The following TTLL5 variants were observed in gnomAD, a reference collection of about 807,000 sequenced individuals.
TTLL5 encodes tubulin polyglutamylase TTLL5.
Under a neutral mutation model 168.4 loss-of-function variants are expected in TTLL5, and 132 were observed. That is an observed-to-expected ratio of 0.78 (90% CI 0.68 to 0.91). The LOEUF (loss-of-function observed/expected upper bound fraction) is 0.91. Ranked by LOEUF, TTLL5 falls within the 40% of genes least tolerant of loss-of-function variation. The probability of loss-of-function intolerance (pLI) is 0.00; values close to 1 mark genes in which losing one functional copy is unlikely to be tolerated. For missense variants in TTLL5, 1,545 were observed against 1,581.5 expected, an observed-to-expected ratio of 0.98 and a Z score of 0.39; for synonymous variants, 546 against 558.6, an observed-to-expected ratio of 0.98 and a Z score of 0.32.
intron 12 of TTLL5, among the ~76,000 whole-genome samples, chr14:75,728,690 ATCG>A: frequency 6.6e-6 from 1 of 151,826 alleles, no homozygotes; most frequent in South Asian, 2.1e-4. Context: ...CATCATCATC[ATCG>A]TCATATTAAT....
At chr14:75,669,258 A>G (rs924967567) in intron 2 of TTLL5, among the ~76,000 whole-genome samples, 158 bp from the exon 3 acceptor site, 2 of 152,224 alleles carry the variant, frequency 1.3e-5, no homozygotes, top group East Asian at 1.9e-4. Context: ...TTTTAAACAC[A>G]CAGCTAAGAA....
chr14:75,777,946 T>C (rs1197520260), intron 23 of TTLL5, among the ~76,000 whole-genome samples: 1 of 151,056 alleles, frequency 6.6e-6, no homozygotes. Flanking sequence ...ACAGCTTCTC[T>C]CATCAACGTT....
chr14:75,740,321 T>C (rs1247156895), intron 15 of TTLL5, among the ~76,000 whole-genome samples: 1 of 152,204 alleles, frequency 6.6e-6, no homozygotes, highest in Non-Finnish European at 1.5e-5. Context: ...TTTTTTCCTT[T>C]TAATATTTGT....
chr14:75,779,675 A>T lies in TTLL5; in HGVS notation c.2488A>T (p.Asn830Tyr). 6.2e-6 allele frequency: 10 copies of T among 1,613,226 alleles called. No individual in the cohort carries two copies. The highest frequency in any genetic ancestry group is 6.8e-6 in the Non-Finnish European group (8 of 1,179,736). ...THSKISKNNNNYSDSGAKGDH... is the reference protein window; with the variant it reads ...THSKISKNNNYYSDSGAKGDH... Reference sequence around the variant, plus strand: ...CTCTAAAATTTCTAAGAACAACAACAATTATTCTGATAGTGGGGCAAAAGG... The same window carrying T: ...CTCTAAAATTTCTAAGAACAACAACTATTATTCTGATAGTGGGGCAAAAGG... Residue 830 changes from asparagine (N) to tyrosine (Y), a missense_variant, in exon 24 of 32, where the codon AAT becomes TAT. Asn to Tyr is a moderately radical substitution (Grantham distance 143, BLOSUM62 -2). Transcript: ENST00000298832.
At chr14:75,759,029 AAAAC>A (rs1350429849) in intron 18 of TTLL5, among the ~76,000 whole-genome samples, 1 of 152,206 alleles carries the variant, frequency 6.6e-6, no homozygotes, top group African/African-American at 2.4e-5. Context: ...AATCAAATAA[AAAAC>A]AAACAGTAAA....
At chr14:75,807,174 G>A (rs1261686804) in intron 27 of TTLL5, among the ~76,000 whole-genome samples, 4 of 152,176 alleles carry the variant, frequency 2.6e-5, no homozygotes, top group Admixed American at 2.6e-4. Context: ...ATGGCTGGGT[G>A]CAGTGGCGCA....
Position 75,766,170 on chromosome 14 carries a change from A to G in TTLL5, c.1817A>G (p.Glu606Gly). 6.2e-7 allele frequency: 1 copy of G among 1,614,044 alleles called. No individual in the cohort carries two copies. The highest frequency in any genetic ancestry group is 8.5e-7 in the Non-Finnish European group (1 of 1,179,972). The change falls in exon 20 of 32, where the codon GAG becomes GGG. Residue 606 changes from glutamate (E) to glycine (G), a missense_variant. Physicochemically the swap from Glu to Gly is moderately conservative, Grantham distance 98 (BLOSUM62 -2). Transcript: ENST00000298832. ...EDEEQEASQE[E>G]SAGFLRENQA... ...GAAGAACAGGAGGCTTCCCAGGAGG[A>G]GTCTGCAGGATTTCTTAGAGAAAAT...
At chr14:75,849,834 C>G (rs1896750905) in intron 28 of TTLL5, among the ~76,000 whole-genome samples, 1 of 152,128 alleles carries the variant, frequency 6.6e-6, no homozygotes, top group Admixed American at 6.6e-5. Flanking sequence ...GGTGTGGTGG[C>G]TCACACCTGT....
intron 27 of TTLL5, among the ~76,000 whole-genome samples, chr14:75,814,831 A>C (rs370887969): frequency 6.6e-6 from 1 of 152,208 alleles, no homozygotes; most frequent in African/African-American, 2.4e-5. Flanking sequence ...TCTGGCTTTT[A>C]AATTTTAAAT....
chr14:75,797,087 G>C (rs748114534), intron 27 of TTLL5, among the ~76,000 whole-genome samples: 9 of 152,102 alleles, frequency 5.9e-5, no homozygotes, highest in Non-Finnish European at 1.3e-4. Flanking sequence ...TGTCATCTGT[G>C]ATTCCTTTCA....
At chr14:75,926,059 A>ACCGTGGGCCGTGGG (rs556290161) in intron 31 of TTLL5, among the ~76,000 whole-genome samples, 4 of 144,670 alleles carry the variant, frequency 2.8e-5, no homozygotes, top group Admixed American at 6.8e-5. Context: ...GGAGAGGGAG[A>ACCGTGGGCCGTGGG]CCGTGGGCCG....
At chr14:75,891,488 A>G (rs1044708418) in intron 30 of TTLL5, among the ~76,000 whole-genome samples, 2 of 152,214 alleles carry the variant, frequency 1.3e-5, no homozygotes, top group African/African-American at 4.8e-5. Flanking sequence ...TCCAATGGTG[A>G]TAACACCAGT....
chr14:75,796,271 G>C (rs1041081374), intron 27 of TTLL5, among the ~76,000 whole-genome samples: 1 of 151,560 alleles, frequency 6.6e-6, no homozygotes, highest in African/African-American at 2.4e-5. Context: ...CTTTTTGATG[G>C]AATTATTTTT....
chr14:75,883,337 G>A (rs1389480477), intron 30 of TTLL5, among the ~76,000 whole-genome samples: 1 of 152,228 alleles, frequency 6.6e-6, no homozygotes, highest in African/African-American at 2.4e-5. Context: ...ACACCAAAAA[G>A]ACATTTCCTT....
At chr14:75,778,268 GTTC>G (rs1891840264) in intron 23 of TTLL5, among the ~76,000 whole-genome samples, 1 of 152,338 alleles carries the variant, frequency 6.6e-6, no homozygotes, top group East Asian at 1.9e-4. Flanking sequence ...GGTGACGTCA[GTTC>G]TTCTTTTATT....
At chr14:75,694,734 C>T (rs1166325042) in intron 6 of TTLL5, among the ~76,000 whole-genome samples, 1 of 152,142 alleles carries the variant, frequency 6.6e-6, no homozygotes, top group East Asian at 1.9e-4. Context: ...ATTAGTTCCC[C>T]AAATTAATAC....
intron 14 of TTLL5, 58 bp from the exon 15 acceptor site, chr14:75,735,137 C>A (rs1380709100): frequency 2.0e-6 from 3 of 1,498,396 alleles, no homozygotes; most frequent in African/African-American, 2.7e-5. Flanking sequence ...AAGGTGCAGC[C>A]AGACCTGCTA....
intron 5 of TTLL5, among the ~76,000 whole-genome samples, chr14:75,687,032 C>T (rs931491977): frequency 1.3e-5 from 2 of 152,128 alleles, no homozygotes; most frequent in African/African-American, 2.4e-5. Flanking sequence ...TATCAACAGT[C>T]AAACTTTTTT....
At position 75,818,445 on chromosome 14, in the gene TTLL5, A is replaced by G. The variant is rs79791917; in HGVS notation, c.3172-1562A>G. On this transcript the variant is annotated intron_variant, in intron 27 of 31. Transcript: ENST00000298832. ...GATTTTTGCTACCACGATTTTTTTT[A>G]CTTGAGATATTAGCGTGTTCCTATA... 2.9e-3 allele frequency: 1,100 copies of G among 385,248 alleles called. 14 individuals are homozygous for G. The highest frequency in any genetic ancestry group is 0.023 in the African/African-American group (1,023 of 44,340). 23.9% of individuals were successfully genotyped at this position (385,248 alleles called of 1,614,324 possible). A position where few individuals can be genotyped will look rare whatever the true frequency, so the allele number is the denominator to read the frequency against.
Sources: gnomAD v4.1 joint callset for allele counts (sites outside exome capture counted in the v4.1 genomes callset) on GRCh38, gnomAD v4.1.1 for gene constraint, MANE v1.5 for transcripts, NCBI Gene and HGNC (gene_info 2026-07-23, HGNC 2026-07-21) for gene names.